ATP13A4: variants seen among roughly 807,000 people sequenced by gnomAD.
The protein encoded by ATP13A4 is probable cation-transporting ATPase 13A4.
Under a neutral mutation model 142.5 loss-of-function variants are expected in ATP13A4, and 114 were observed. The ratio of observed to expected loss-of-function variants is 0.80; its 90% CI spans 0.69 to 0.93. The LOEUF is 0.93. Among genes scored for constraint, ATP13A4 ranks in the 40% least tolerant of loss-of-function variants. ATP13A4 has a pLI of 0.00. For missense variants in ATP13A4, 1,392 were observed against 1,454.0 expected (o/e 0.96, Z 0.69); for synonymous variants, 488 against 514.8 (o/e 0.95, Z 0.70).
chr3:193,406,975 T>C (rs2108600101), intron 29 of ATP13A4, among the ~76,000 whole-genome samples: 3 of 152,322 alleles, frequency 2.0e-5, no homozygotes, highest in Admixed American at 2.0e-4. Flanking sequence ...CACTACTGAA[T>C]TGTGGACTTT....
chr3:193,503,317 T>C (rs1200523279), intron 2 of ATP13A4, among the ~76,000 whole-genome samples: 4 of 152,166 alleles, frequency 2.6e-5, no homozygotes, highest in Non-Finnish European at 4.4e-5. Context: ...ATGACCCTAA[T>C]TAAAATTGCT....
rs550839433 is a variant in ATP13A4 at position 193,450,176 on chromosome 3, T to C, written c.2028-1846A>G. ...TTGCTCCCTTGTCATATTACTTATA[T>C]TTCACTGTAACTCACATTTTATTTG... On this transcript the variant is annotated intron_variant, in intron 17 of 29. Coordinates refer to ENST00000342695, the MANE Select transcript of ATP13A4 (RefSeq NM_032279.4). Among the ~76,000 whole-genome samples, 3 of 152,202 alleles carry C rather than the reference T, an allele frequency of 2.0e-5. No individual in the cohort carries two copies. In the South Asian group the frequency reaches 6.2e-4, roughly 32 times the overall value.
At chr3:193,535,505 G>A (rs970391992) in intron 1 of ATP13A4, among the ~76,000 whole-genome samples, 5 of 151,796 alleles carry the variant, frequency 3.3e-5, no homozygotes, top group Middle Eastern at 3.2e-3. Context: ...ACAAAGGCAC[G>A]GTATATCAAA....
chr3:193,586,808 T>C lies in ATP13A4; in HGVS notation n.92-4902A>G, dbSNP rs1396499424. On this transcript the variant is annotated intron_variant and non_coding_transcript_variant, in intron 1 of 3. Transcript: ENST00000489140. ...GGGTAGGTTTATAAATGCTCTGGCA[T>C]CAATCTGAGCTCTTTGCATTTCTAT... 2.6e-5 allele frequency among the ~76,000 whole-genome samples: 4 copies of C among 152,250 alleles called. No homozygotes were observed. In the East Asian group the frequency reaches 7.7e-4, roughly 29 times the overall value.
chr3:193,582,369 C>T (rs1405621069), intron 1 of ATP13A4, among the ~76,000 whole-genome samples: 1 of 149,156 alleles, frequency 6.7e-6, no homozygotes, highest in Non-Finnish European at 1.5e-5. Context: ...AGATGTTCTC[C>T]ATCTCCTGAC....
rs556194803 is a variant in ATP13A4 at position 193,401,236 on chromosome 3, A to C, written c.*1416T>G. Among the ~76,000 whole-genome samples the C allele has an allele frequency of 2.0e-5, 3 of 152,266 alleles. No individual in the cohort carries two copies. The highest frequency in any genetic ancestry group is 4.4e-5 in the Non-Finnish European group (3 of 68,018). ...AATACAAATTTTGCTTTTGCCTTAAAATATTATATGTAGGTGTGCTCCTAG... is the reference window on the plus strand; with the variant it reads ...AATACAAATTTTGCTTTTGCCTTAACATATTATATGTAGGTGTGCTCCTAG... On this transcript the variant is annotated 3_prime_UTR_variant, in exon 30 of 30. Coordinates refer to ENST00000342695, the MANE Select transcript of ATP13A4 (RefSeq NM_032279.4).
At chr3:193,592,597 C>T (rs1308848560) in intron 1 of ATP13A4, among the ~76,000 whole-genome samples, 3 of 152,164 alleles carry the variant, frequency 2.0e-5, no homozygotes, top group South Asian at 2.1e-4. Flanking sequence ...GCTTAAAATC[C>T]GGAAGAAACA....
intron 21 of ATP13A4, among the ~76,000 whole-genome samples, chr3:193,439,522 T>C (rs1296867906): frequency 6.6e-6 from 1 of 152,214 alleles, no homozygotes; most frequent in Non-Finnish European, 1.5e-5. Context: ...TTATAAAGTC[T>C]AAAATGATAA....
chr3:193,541,023 G>A lies in ATP13A4; in HGVS notation c.60+13717C>T, dbSNP rs896746007. On this transcript the variant is annotated intron_variant, in intron 1 of 29. Coordinates refer to ENST00000342695, the MANE Select transcript of ATP13A4 (RefSeq NM_032279.4). ...CCAGCACTTTGGGAGGCCGAGGCGG[G>A]CAAATCGCGAGGTCAGGAGATCGAG... 2.0e-5 allele frequency among the ~76,000 whole-genome samples: 3 copies of A among 152,134 alleles called. No homozygotes were observed. In the East Asian group the frequency reaches 5.8e-4, roughly 29 times the overall value.
chr3:193,401,003 A>G lies in ATP13A4; in HGVS notation c.*1649T>C, dbSNP rs62285690. 0.17 allele frequency among the ~76,000 whole-genome samples: 26,228 copies of G among 152,186 alleles called. 2,295 individuals carry two copies. The highest frequency in any genetic ancestry group is 0.21 in the Admixed American group (3,228 of 15,284). On this transcript the variant is annotated 3_prime_UTR_variant, in exon 30 of 30. Transcript: ENST00000342695. ...AAACACTAAAATATCTTCACGCCCT[A>G]TTTTAAAACCAGAAGTAACAGGGTA...
At chr3:193,412,437 A>T (rs1714817444) in intron 26 of ATP13A4, 66 bp from the exon 27 acceptor site, 5 of 1,478,652 alleles carry the variant, frequency 3.4e-6, no homozygotes, top group Non-Finnish European at 4.7e-6. Flanking sequence ...ATTTGTATCC[A>T]GAAGATTCCA....
Position 193,583,297 on chromosome 3 carries a change from G to T in ATP13A4, n.92-1391C>A, listed in dbSNP as rs193110699. Among the ~76,000 whole-genome samples the T allele has an allele frequency of 5.4e-3, 826 of 152,096 alleles. 11 individuals are homozygous for T. Among genetic ancestry groups the T allele is most frequent in the African/African-American group, 0.018 (762 of 41,506 alleles). ...AAAATACAAAAATTAGCTGGGATTGGTGGCGGGCGCCTGTAATCCCAGGTA... is the reference window on the plus strand; with the variant it reads ...AAAATACAAAAATTAGCTGGGATTGTTGGCGGGCGCCTGTAATCCCAGGTA... On this transcript the variant is annotated intron_variant and non_coding_transcript_variant, in intron 1 of 3. Transcript: ENST00000489140.
At chr3:193,579,725 G>T (rs1179271677) in intron 2 of ATP13A4, among the ~76,000 whole-genome samples, 2 of 107,106 alleles carry the variant, frequency 1.9e-5, no homozygotes, top group East Asian at 4.7e-4. Context: ...AGTGACCTTG[G>T]AAGCCACGTT....
At chr3:193,490,052 A>T (rs555621742) in intron 6 of ATP13A4, among the ~76,000 whole-genome samples, 188 bp from the exon 7 acceptor site, 3 of 152,304 alleles carry the variant, frequency 2.0e-5, no homozygotes, top group Admixed American at 6.5e-5. Flanking sequence ...TTCTCATTGA[A>T]TTCCCACAGT....
chr3:193,499,515 C>G (rs768279518), intron 3 of ATP13A4, among the ~76,000 whole-genome samples: 1 of 152,122 alleles, frequency 6.6e-6, no homozygotes, highest in Non-Finnish European at 1.5e-5. Context: ...TATTATTTTC[C>G]TCTTCACTTT....
chr3:193,562,247 A>G (rs1724032391), intron 2 of ATP13A4, among the ~76,000 whole-genome samples: 1 of 152,212 alleles, frequency 6.6e-6, no homozygotes, highest in Non-Finnish European at 1.5e-5. Flanking sequence ...CATTTTGATG[A>G]GTGTGGGTTA....
intron 1 of ATP13A4, among the ~76,000 whole-genome samples, chr3:193,541,165 C>A (rs1722887494): frequency 1.4e-5 from 2 of 146,100 alleles, no homozygotes; most frequent in Admixed American, 7.0e-5. Flanking sequence ...AGGAGAATGG[C>A]GTGAACCCGG....
chr3:193,582,144 C>CT (rs1724560313), intron 1 of ATP13A4, among the ~76,000 whole-genome samples: 1 of 111,388 alleles, frequency 9.0e-6, no homozygotes, highest in Non-Finnish European at 1.8e-5. Flanking sequence ...GTATACTTTT[C>CT]TTTTCTTTTT....
At chr3:193,415,189 A>T (rs1407115759) in intron 25 of ATP13A4, among the ~76,000 whole-genome samples, 1 of 152,338 alleles carries the variant, frequency 6.6e-6, no homozygotes, top group African/African-American at 2.4e-5. Flanking sequence ...AAAAATATTC[A>T]TTATGGCATC....
Sources: gnomAD v4.1 joint callset for allele counts (sites outside exome capture counted in the v4.1 genomes callset) on GRCh38, gnomAD v4.1.1 for gene constraint, MANE v1.5 for transcripts, NCBI Gene and HGNC (gene_info 2026-07-23, HGNC 2026-07-21) for gene names.